Variants in EHMT1 observed in about 807,000 individuals in gnomAD.
EHMT1 encodes euchromatic histone lysine methyltransferase 1.
In EHMT1, 15 loss-of-function variants were observed where a neutral mutation model predicts 147.2. The ratio of observed to expected loss-of-function variants is 0.10; its 90% CI spans 0.07 to 0.16. EHMT1 has a LOEUF of 0.16. Ranked by LOEUF, EHMT1 falls within the 10% of genes least tolerant of loss-of-function variation. The pLI is 1.00. For missense variants in EHMT1, 1,587 were observed against 1,772.4 expected (o/e 0.90, Z 1.88); for synonymous variants, 795 against 709.6 (o/e 1.12, Z -1.91).
intron 25 of EHMT1, chr9:137,820,149 C>T (rs2132858606): frequency 6.6e-6 from 1 of 152,370 alleles, no homozygotes; most frequent in East Asian, 1.9e-4. Context: ...CAGGCTCCGT[C>T]CCTGCAGCCA....
At chr9:137,703,450 A>ATGCTGTTAGAAGCAGCCAGGCCAC (rs1944004254) in intron 1 of EHMT1, among the ~76,000 whole-genome samples, 1 of 152,182 alleles carries the variant, frequency 6.6e-6, no homozygotes, top group African/African-American at 2.4e-5. Context: ...ATGTGAGTGT[A>ATGCTGTTAGAAGCAGCCAGGCCAC]TGCTGTTAGA....
intron 1 of EHMT1, among the ~76,000 whole-genome samples, chr9:137,661,132 C>G (rs757922520): frequency 6.6e-6 from 1 of 152,092 alleles, no homozygotes; most frequent in Non-Finnish European, 1.5e-5. Flanking sequence ...TAATTTTAGA[C>G]TTACAAAAAA....
chr9:137,671,681 T>C (rs964856140), intron 1 of EHMT1, among the ~76,000 whole-genome samples: 1 of 152,036 alleles, frequency 6.6e-6, no homozygotes, highest in Non-Finnish European at 1.5e-5. Flanking sequence ...TGTGCCACCA[T>C]GCCCAGCTAA....
At chr9:137,669,171 G>C (rs932013656) in intron 1 of EHMT1, among the ~76,000 whole-genome samples, 1 of 152,156 alleles carries the variant, frequency 6.6e-6, no homozygotes, top group South Asian at 2.1e-4. Flanking sequence ...ACAGGCGTGA[G>C]CCACTGTTCC....
chr9:137,798,328 G>A (rs1265276909), intron 16 of EHMT1, among the ~76,000 whole-genome samples: 1 of 152,090 alleles, frequency 6.6e-6, no homozygotes, highest in African/African-American at 2.4e-5. Context: ...CTTGAGCATG[G>A]GAATCAGAGG....
At chr9:137,718,740 C>CTCTTTTTCTTTT (rs566131576) in intron 3 of EHMT1, among the ~76,000 whole-genome samples, 1 of 149,298 alleles carries the variant, frequency 6.7e-6, no homozygotes, top group Non-Finnish European at 1.5e-5. Flanking sequence ...TTAGTTCTCT[C>CTCTTTTTCTTTT]TCTTTTTCTT....
intron 16 of EHMT1, among the ~76,000 whole-genome samples, chr9:137,798,278 T>C (rs1245177288): frequency 3.3e-5 from 5 of 152,140 alleles, no homozygotes; most frequent in Admixed American, 3.3e-4. Flanking sequence ...GGTGCACACC[T>C]GTAGTCCCAG....
chr9:137,763,164 A>AGTCCAGAACT (rs1259675625), intron 10 of EHMT1: 30 of 441,552 alleles, frequency 6.8e-5, no homozygotes, highest in Non-Finnish European at 1.0e-4. Flanking sequence ...CACCAAGGTG[A>AGTCCAGAACT]GTCCAGAACT....
At position 137,631,771 on chromosome 9, in the gene EHMT1, C is replaced by T. The variant is rs908117869; in HGVS notation, c.21+12722C>T. 4.0e-5 allele frequency among the ~76,000 whole-genome samples: 6 copies of T among 151,858 alleles called. No individual in the cohort carries two copies. In the East Asian group the frequency reaches 5.8e-4, roughly 15 times the overall value. On this transcript the variant is annotated intron_variant, in intron 1 of 26. Transcript: ENST00000460843. ...TGTGTGCCTGTAGACCCAGCTACTC[C>T]GGGAGGCTGAGGTGGGGAGAGTTGT...
intron 1 of EHMT1, among the ~76,000 whole-genome samples, chr9:137,632,283 A>T (rs769194252): frequency 7.9e-5 from 12 of 152,178 alleles, no homozygotes; most frequent in Non-Finnish European, 1.3e-4. Context: ...GGTGCAGTAG[A>T]ATGGTGTTCG....
chr9:137,810,327 C>T (rs1218321989), intron 18 of EHMT1, among the ~76,000 whole-genome samples: 2 of 152,236 alleles, frequency 1.3e-5, no homozygotes, highest in Non-Finnish European at 2.9e-5. Flanking sequence ...CTGGAGGAGG[C>T]CTCAGTACCT....
At chr9:137,743,822 C>T in intron 5 of EHMT1, 80 bp from the exon 6 acceptor site, 1 of 1,505,700 alleles carries the variant, frequency 6.6e-7, no homozygotes, top group Non-Finnish European at 8.9e-7. Flanking sequence ...TCCCAGTCAC[C>T]CAAGACTCCT....
chr9:137,693,503 A>G (rs1943114756), intron 1 of EHMT1, among the ~76,000 whole-genome samples: 2 of 152,106 alleles, frequency 1.3e-5, no homozygotes, highest in South Asian at 4.1e-4. Flanking sequence ...TGGGATTCGA[A>G]TCTAGCCAGT....
chr9:137,795,415 A>T (rs1373247870), intron 16 of EHMT1, among the ~76,000 whole-genome samples: 6 of 17,028 alleles, frequency 3.5e-4, no homozygotes, highest in African/African-American at 1.0e-3. Flanking sequence ...ACACACACAC[A>T]CACACACACA....
chr9:137,666,742 G>A (rs984423417), intron 1 of EHMT1, among the ~76,000 whole-genome samples: 1 of 152,168 alleles, frequency 6.6e-6, no homozygotes. Context: ...CGTGTTCATT[G>A]GGAGACTCCA....
At chr9:137,793,430 C>T (rs999427517) in intron 16 of EHMT1, among the ~76,000 whole-genome samples, 11 of 152,218 alleles carry the variant, frequency 7.2e-5, no homozygotes, top group African/African-American at 1.2e-4. Context: ...GGAACTCTCA[C>T]GCGTTGCTAG....
intron 1 of EHMT1, among the ~76,000 whole-genome samples, chr9:137,635,763 T>G (rs923315598): frequency 6.6e-6 from 1 of 150,692 alleles, no homozygotes; most frequent in African/African-American, 2.4e-5. Context: ...GAGCTTGCAG[T>G]GAGCTGAGAT....
Position 137,720,311 on chromosome 9 carries a change from C to CT in EHMT1, c.642+3139dup, listed in dbSNP as rs936695695. ...TTCCATTTTTATAATTTTGTCATTT[C>CT]TTTTTTTTTTAAGACAGGATCTCAC... On this transcript the variant is annotated intron_variant, in intron 3 of 26. Transcript: ENST00000460843. 8.1e-4 allele frequency among the ~76,000 whole-genome samples: 121 copies of CT among 149,194 alleles called. 1 individual carries two copies. The highest frequency in any genetic ancestry group is 3.8e-3 in the South Asian group (18 of 4,682).
intron 1 of EHMT1, among the ~76,000 whole-genome samples, chr9:137,634,138 C>G (rs765586751): frequency 5.3e-5 from 8 of 152,070 alleles, no homozygotes; most frequent in Non-Finnish European, 1.2e-4. Context: ...TGATGCCTTC[C>G]TTTGAAGCAC....
Sources: gnomAD v4.1 joint callset for allele counts (sites outside exome capture counted in the v4.1 genomes callset) on GRCh38, gnomAD v4.1.1 for gene constraint, MANE v1.5 for transcripts, NCBI Gene and HGNC (gene_info 2026-07-23, HGNC 2026-07-21) for gene names.